DHX15: variants seen among roughly 807,000 people sequenced by gnomAD.
DHX15 encodes ATP-dependent RNA helicase DHX15.
DHX15 carries 11 observed loss-of-function variants against 94.4 expected under a neutral mutation model. The observed-to-expected ratio is 0.12, with a 90% CI of 0.07 to 0.19. DHX15 has a LOEUF of 0.19. Among genes scored for constraint, DHX15 ranks in the 10% least tolerant of loss-of-function variants. DHX15 has a pLI of 1.00. For missense variants in DHX15, 304 were observed against 988.5 expected, an observed-to-expected ratio of 0.31 and a Z score of 9.29; for synonymous variants, 338 against 329.9, an observed-to-expected ratio of 1.02 and a Z score of -0.27.
chr4:24,581,400 G>C (rs893012231), intron 1 of DHX15, among the ~76,000 whole-genome samples: 4 of 152,222 alleles, frequency 2.6e-5, no homozygotes, highest in African/African-American at 9.6e-5. Flanking sequence ...AAAAATCAAA[G>C]TACAAAATAA....
At chr4:24,573,553 C>A (rs1385654097) in intron 2 of DHX15, among the ~76,000 whole-genome samples, 1 of 152,084 alleles carries the variant, frequency 6.6e-6, no homozygotes, top group African/African-American at 2.4e-5. Flanking sequence ...TTCACAGAAT[C>A]GAAACTTTTG....
intron 2 of DHX15, among the ~76,000 whole-genome samples, chr4:24,574,120 C>T (rs1371578795): frequency 7.0e-6 from 1 of 142,698 alleles, no homozygotes; most frequent in Non-Finnish European, 1.5e-5. Flanking sequence ...GCAGGAGAAT[C>T]ACTTGAACCC....
intron 13 of DHX15, among the ~76,000 whole-genome samples, chr4:24,529,349 C>T (rs1721031367): frequency 6.6e-6 from 1 of 152,178 alleles, no homozygotes; most frequent in Non-Finnish European, 1.5e-5. Flanking sequence ...CCTGAAGAAA[C>T]TTTTCATGCT....
intron 3 of DHX15, among the ~76,000 whole-genome samples, chr4:24,558,138 G>T (rs988510351): frequency 2.0e-4 from 31 of 152,004 alleles, no homozygotes; most frequent in Non-Finnish European, 7.4e-5. Flanking sequence ...ATTTAAATTA[G>T]CAAATACTCT....
At chr4:24,562,847 CA>C (rs1226172591) in intron 3 of DHX15, among the ~76,000 whole-genome samples, 2 of 152,126 alleles carry the variant, frequency 1.3e-5, no homozygotes, top group African/African-American at 4.8e-5. Flanking sequence ...ACAGAACTAT[CA>C]AATCTGTGAG....
intron 3 of DHX15, among the ~76,000 whole-genome samples, chr4:24,569,449 A>G (rs67913284): frequency 0.22 from 33,687 of 151,906 alleles, 4,004 homozygotes; most frequent in East Asian, 0.4. Flanking sequence ...AAAGTTAGCC[A>G]GGCATGGTGG....
Position 24,532,832 on chromosome 4 carries a change from CTTAG to C in DHX15, c.2100+28_2100+31del, listed in dbSNP as rs576101393. ...AATAGAAATCAGTGTCATATGAATA[CTTAG>C]TTATTCATTCCCATATTATCTACAT... On this transcript the variant is annotated intron_variant, in intron 12 of 13. Transcript: ENST00000336812. 249 of 1,455,914 alleles carry C rather than the reference CTTAG, an allele frequency of 1.7e-4. No homozygotes were observed. In the African/African-American group the frequency reaches 2.2e-3, roughly 13 times the overall value. 90.2% of individuals were successfully genotyped at this position (1,455,914 alleles called of 1,614,324 possible). A position where few individuals can be genotyped will look rare whatever the true frequency, so the allele number is the denominator to read the frequency against.
Position 24,527,942 on chromosome 4 carries a change from C to T in DHX15, c.2370G>A (p.Lys790=). ...LDRIIAKLQS[K]EYSQY ...ACTGAATTCAGTACTGTGAATATTC[C>T]TTGGATTGAAGTTTGGCAATGATGC... The change falls in exon 14 of 14, where the codon AAG becomes AAA. Residue 790 remains lysine, a synonymous_variant. Transcript: ENST00000336812. 1 of 1,612,506 alleles carries T rather than the reference C, an allele frequency of 6.2e-7. No individual in the cohort carries two copies. Among genetic ancestry groups the T allele is most frequent in the Non-Finnish European group, 8.5e-7 (1 of 1,178,654 alleles).
intron 9 of DHX15, 135 bp downstream of exon 9, chr4:24,540,705 A>AAG (rs1721291808): frequency 1.9e-6 from 1 of 524,974 alleles, no homozygotes; most frequent in Non-Finnish European, 3.4e-6. Context: ...GCTATCATGT[A>AAG]AGACTTAATC....
intron 6 of DHX15, among the ~76,000 whole-genome samples, chr4:24,548,383 T>C (rs1213192146): frequency 6.6e-6 from 1 of 152,086 alleles, no homozygotes; most frequent in Non-Finnish European, 1.5e-5. Context: ...GACCTCGTGA[T>C]CCACCCACTT....
Position 24,529,780 on chromosome 4 carries a change from A to C in DHX15, c.2101-10T>G. On this transcript the variant is annotated splice_polypyrimidine_tract_variant and intron_variant, in intron 12 of 13. Transcript: ENST00000336812. ...GTTCTAAATGTGCCACCTGAAACCA[A>C]AACCCAGTATATTATTAATACAATG... 6.2e-7 allele frequency: 1 copy of C among 1,614,046 alleles called. No individual in the cohort carries two copies. Among genetic ancestry groups the C allele is most frequent in the Non-Finnish European group, 8.5e-7 (1 of 1,179,884 alleles).
Position 24,530,085 on chromosome 4 carries a change from GA to G in DHX15, c.2101-316del, listed in dbSNP as rs1286628648. 7.6e-6 allele frequency: 3 copies of G among 397,280 alleles called. No homozygotes were observed. The Admixed American group carries it at 1.3e-4, about 17-fold the overall frequency. The allele number at this position is 397,280 out of a possible 1,614,324, so 24.6% of individuals were successfully genotyped here. A position where few individuals can be genotyped will look rare whatever the true frequency, so the allele number is the denominator to read the frequency against. ...AAATTCAAACTTCAGTATCCATAAG[GA>G]AAGTTTTATTAGAACACAGGCATGC... On this transcript the variant is annotated intron_variant, in intron 12 of 13. Transcript: ENST00000336812.
intron 11 of DHX15, among the ~76,000 whole-genome samples, chr4:24,534,586 C>G (rs1721156238): frequency 1.3e-5 from 2 of 152,060 alleles, no homozygotes; most frequent in Admixed American, 6.5e-5. Flanking sequence ...AGTAAACCAC[C>G]CCTAAGATCT....
At chr4:24,576,134 C>G in intron 2 of DHX15, 109 bp downstream of exon 2, 1 of 837,768 alleles carries the variant, frequency 1.2e-6, no homozygotes, top group Non-Finnish European at 1.9e-6. Context: ...AGCTATTCTT[C>G]AAGATGTTCT....
intron 4 of DHX15, among the ~76,000 whole-genome samples, chr4:24,556,049 C>T (rs1253222001): frequency 6.6e-6 from 1 of 151,888 alleles, no homozygotes; most frequent in South Asian, 2.1e-4. Context: ...GAAGATTGGG[C>T]TTAAAAATGC....
rs1722278355 is a variant in DHX15, at chr4:24,576,795, T to G, written c.72-117A>C. On this transcript the variant is annotated intron_variant, in intron 1 of 13. Coordinates refer to ENST00000336812, the MANE Select transcript of DHX15 (RefSeq NM_001358.3). The stretch of plus-strand genomic sequence containing the variant: ...TCAAATGAATAAAAAGTCCAATGGA[T>G]TATGTAACTATCAGAAATAATAAAA... 7 of 1,376,264 alleles carry G rather than the reference T, an allele frequency of 5.1e-6. 1 individual carries two copies. In the South Asian group the frequency reaches 1.0e-4, roughly 21 times the overall value. The allele number at this position is 1,376,264 out of a possible 1,614,324, so 85.3% of individuals were successfully genotyped here.
At chr4:24,541,546 A>G (rs1320716747) in intron 8 of DHX15, among the ~76,000 whole-genome samples, 3 of 152,136 alleles carry the variant, frequency 2.0e-5, no homozygotes, top group African/African-American at 7.2e-5. Flanking sequence ...CTAGTAACAA[A>G]AGAGCAAAAA....
At chr4:24,541,002 C>G in intron 8 of DHX15, 54 bp from the exon 9 acceptor site, 1 of 1,170,944 alleles carries the variant, frequency 8.5e-7, no homozygotes, top group Non-Finnish European at 1.2e-6. Context: ...TCAGTCTCCT[C>G]GTTCCAGAAA....
intron 1 of DHX15, among the ~76,000 whole-genome samples, chr4:24,583,079 C>T (rs1722454202): frequency 6.6e-6 from 1 of 152,162 alleles, no homozygotes; most frequent in South Asian, 2.1e-4. Flanking sequence ...AGAACTTTAG[C>T]TGAAAAATTC....
Sources: gnomAD v4.1 joint callset for allele counts (sites outside exome capture counted in the v4.1 genomes callset) on GRCh38, gnomAD v4.1.1 for gene constraint, MANE v1.5 for transcripts, NCBI Gene and HGNC (gene_info 2026-07-23, HGNC 2026-07-21) for gene names.